SLC4A7: variants seen among roughly 807,000 people sequenced by gnomAD.
SLC4A7 encodes the protein solute carrier family 4 member 7, also known as sodium bicarbonate cotransporter 3.
Under a neutral mutation model 137.6 loss-of-function variants are expected in SLC4A7, and 51 were observed. The observed-to-expected ratio is 0.37, with a 90% CI of 0.30 to 0.47. The LOEUF (loss-of-function observed/expected upper bound fraction) is 0.47. SLC4A7 is among the 20% of genes least tolerant of loss of function. The pLI is 1.00. For synonymous variants in SLC4A7, 542 were observed against 518.6 expected (o/e 1.05, Z -0.61); for missense variants, 1,247 against 1,525.4 (o/e 0.82, Z 3.04).
chr3:27,460,939 A>C (rs2058665087), intron 1 of SLC4A7, among the ~76,000 whole-genome samples: 1 of 152,288 alleles, frequency 6.6e-6, no homozygotes, highest in African/African-American at 2.4e-5. Context: ...CTCCCAGTAG[A>C]CCTTTACAAC....
chr3:27,398,171 C>T, intron 17 of SLC4A7, 21 bp downstream of exon 17: 1 of 1,567,276 alleles, frequency 6.4e-7, no homozygotes, highest in East Asian at 2.2e-5. Flanking sequence ...TACCAGAATT[C>T]CAAAATTATA....
At position 27,448,751 on chromosome 3, in the gene SLC4A7, C is replaced by T; in HGVS notation, c.189G>A (p.Glu63=). The change falls in exon 3 of 26, where the codon GAG becomes GAA. Residue 63 remains glutamate, a synonymous_variant. Coordinates refer to ENST00000454389, the MANE Select transcript of SLC4A7 (RefSeq NM_001321103.2). ...CGCGATGCCTATGACGCCGACGACT[C>T]TCTTTACTAAACGGGACGTGAACAC... ...YIGVHVPFSK[E]SRRRHRHRGH... 6.2e-7 allele frequency: 1 copy of T among 1,613,426 alleles called. No individual in the cohort carries two copies. Among genetic ancestry groups the T allele is most frequent in the Non-Finnish European group, 8.5e-7 (1 of 1,179,606 alleles).
intron 3 of SLC4A7, among the ~76,000 whole-genome samples, chr3:27,441,440 CA>C (rs1240594483): frequency 1.3e-5 from 2 of 152,132 alleles, no homozygotes; most frequent in Non-Finnish European, 2.9e-5. Context: ...AGTAAATTTT[CA>C]TTGTCAGAAA....
chr3:27,475,861 C>A (rs1474113764), intron 1 of SLC4A7, among the ~76,000 whole-genome samples: 2 of 152,108 alleles, frequency 1.3e-5, no homozygotes, highest in East Asian at 3.8e-4. Flanking sequence ...AATTACAGCA[C>A]CTGTATAAAC....
intron 10 of SLC4A7, among the ~76,000 whole-genome samples, chr3:27,420,378 G>A (rs140570339): frequency 8.1e-4 from 123 of 151,936 alleles, no homozygotes; most frequent in East Asian, 5.8e-3. Context: ...GAAAAAAAAT[G>A]TTCTGAGGAA....
chr3:27,476,056 A>G (rs1220874605), intron 1 of SLC4A7, among the ~76,000 whole-genome samples: 1 of 152,226 alleles, frequency 6.6e-6, no homozygotes, highest in Non-Finnish European at 1.5e-5. Context: ...CTGGAATCTG[A>G]AATTGCTTGT....
chr3:27,418,934 G>A (rs536290253), intron 10 of SLC4A7, among the ~76,000 whole-genome samples: 64 of 152,222 alleles, frequency 4.2e-4, no homozygotes, highest in African/African-American at 1.2e-3. Context: ...ACACTGTAGC[G>A]TGTCATTCTA....
chr3:27,419,033 T>C (rs2054668297), intron 10 of SLC4A7, among the ~76,000 whole-genome samples: 1 of 152,184 alleles, frequency 6.6e-6, no homozygotes, highest in Non-Finnish European at 1.5e-5. Context: ...TAATGACCAA[T>C]ATTTACTGGC....
At chr3:27,444,575 T>C (rs1381792498) in intron 3 of SLC4A7, among the ~76,000 whole-genome samples, 1 of 152,216 alleles carries the variant, frequency 6.6e-6, no homozygotes, top group Non-Finnish European at 1.5e-5. Flanking sequence ...TCTTTCCTGC[T>C]GTAGTAAATC....
At chr3:27,393,969 C>T (rs149795822) in intron 20 of SLC4A7, among the ~76,000 whole-genome samples, 32 of 152,146 alleles carry the variant, frequency 2.1e-4, no homozygotes, top group African/African-American at 7.5e-4. Context: ...TTCCCCTCCC[C>T]CACAAATACT....
intron 12 of SLC4A7, among the ~76,000 whole-genome samples, chr3:27,411,105 G>A (rs1165296244): frequency 1.3e-5 from 2 of 152,054 alleles, no homozygotes; most frequent in African/African-American, 4.8e-5. Context: ...GTTTGCATCT[G>A]CCAATATTTC....
At chr3:27,382,940 T>G (rs561237633) in intron 24 of SLC4A7, among the ~76,000 whole-genome samples, 30 of 152,158 alleles carry the variant, frequency 2.0e-4, no homozygotes, top group Non-Finnish European at 3.5e-4. Flanking sequence ...TTAGTTTAAG[T>G]CCAGCTTGGG....
chr3:27,416,918 G>A (rs555105893), intron 11 of SLC4A7, among the ~76,000 whole-genome samples: 3 of 152,172 alleles, frequency 2.0e-5, no homozygotes, highest in Non-Finnish European at 4.4e-5. Context: ...TCAGTTGAAT[G>A]AGAAATTTGT....
At chr3:27,460,246 C>T (rs2058625940) in intron 1 of SLC4A7, among the ~76,000 whole-genome samples, 1 of 152,008 alleles carries the variant, frequency 6.6e-6, no homozygotes, top group Non-Finnish European at 1.5e-5. Context: ...GTTGGCTAGG[C>T]TGGTCCCAAA....
intron 10 of SLC4A7, among the ~76,000 whole-genome samples, chr3:27,419,058 TA>T (rs1576338206): frequency 6.6e-6 from 1 of 152,262 alleles, no homozygotes; most frequent in East Asian, 1.9e-4. Flanking sequence ...TACTAACTGC[TA>T]AAATACAATT....
At chr3:27,378,985 G>GTGACCTCAGATGATCC (rs1275086834) in intron 25 of SLC4A7, among the ~76,000 whole-genome samples, 1 of 152,264 alleles carries the variant, frequency 6.6e-6, no homozygotes, top group African/African-American at 2.4e-5. Context: ...CTCACTGCAA[G>GTGACCTCAGATGATCC]TGACCTCAGA....
At chr3:27,380,602 A>T (rs1404936055) in intron 24 of SLC4A7, among the ~76,000 whole-genome samples, 1 of 152,208 alleles carries the variant, frequency 6.6e-6, no homozygotes, top group South Asian at 2.1e-4. Context: ...TGTGATGGCA[A>T]CTAGTTTACA....
chr3:27,425,092 C>T (rs1046388018), intron 7 of SLC4A7, among the ~76,000 whole-genome samples: 5 of 152,058 alleles, frequency 3.3e-5, no homozygotes, highest in South Asian at 2.1e-4. Flanking sequence ...CAAATTCAGC[C>T]GGGTGCAGTG....
At chr3:27,430,218 G>GT in intron 7 of SLC4A7, among the ~76,000 whole-genome samples, 1 of 152,044 alleles carries the variant, frequency 6.6e-6, no homozygotes, top group Non-Finnish European at 1.5e-5. Flanking sequence ...GGGTGACAGA[G>GT]TATGACTCTA....
Sources: gnomAD v4.1 joint callset for allele counts (sites outside exome capture counted in the v4.1 genomes callset) on GRCh38, gnomAD v4.1.1 for gene constraint, MANE v1.5 for transcripts, NCBI Gene and HGNC (gene_info 2026-07-23, HGNC 2026-07-21) for gene names.